The following ZFHX3 variants were observed in gnomAD, a reference collection of about 807,000 sequenced individuals.
ZFHX3 encodes zinc finger homeobox protein 3.
Under a neutral mutation model 279.1 loss-of-function variants are expected in ZFHX3, and 42 were observed. That is an observed-to-expected ratio of 0.15 (90% CI 0.12 to 0.19). ZFHX3 has a LOEUF of 0.19. ZFHX3 is among the 10% of genes least tolerant of loss of function. The probability of loss-of-function intolerance (pLI) is 1.00; values close to 1 mark genes in which losing one functional copy is unlikely to be tolerated. For synonymous variants in ZFHX3, 2,293 were observed against 1,957.8 expected (o/e 1.17, Z -4.52); for missense variants, 4,981 against 4,754.0 (o/e 1.05, Z -1.40).
At chr16:73,706,095 A>G (rs1296463331) in intron 1 of ZFHX3, among the ~76,000 whole-genome samples, 2 of 152,184 alleles carry the variant, frequency 1.3e-5, no homozygotes, top group Non-Finnish European at 2.9e-5. Flanking sequence ...GCTTGAGTCC[A>G]GGAGTTTGAG....
At chr16:73,464,941 C>T (rs935285954) in intron 2 of ZFHX3, among the ~76,000 whole-genome samples, 1 of 152,178 alleles carries the variant, frequency 6.6e-6, no homozygotes, top group Non-Finnish European at 1.5e-5. Flanking sequence ...GGTGACATCA[C>T]AGGGGCCCAC....
chr16:73,151,789 G>T (rs568150683), intron 5 of ZFHX3, among the ~76,000 whole-genome samples: 2 of 151,604 alleles, frequency 1.3e-5, no homozygotes, highest in African/African-American at 4.9e-5. Context: ...AAGAATTCAC[G>T]TGATAACACT....
intron 2 of ZFHX3, among the ~76,000 whole-genome samples, chr16:73,562,954 C>T (rs1676112027): frequency 6.6e-6 from 1 of 152,098 alleles, no homozygotes; most frequent in South Asian, 2.1e-4. Context: ...TCCTTGCCTC[C>T]CATAAGGGAA....
intron 5 of ZFHX3, chr16:73,144,510 G>A (rs1325832749): frequency 6.6e-6 from 1 of 152,210 alleles, no homozygotes; most frequent in Non-Finnish European, 1.5e-5. Flanking sequence ...GCTGTTTAGT[G>A]AGCTAATGTT....
At chr16:73,822,667 G>C (rs1185418121) in intron 1 of ZFHX3, among the ~76,000 whole-genome samples, 1 of 152,214 alleles carries the variant, frequency 6.6e-6, no homozygotes, top group Non-Finnish European at 1.5e-5. Flanking sequence ...GTGCCTGGCA[G>C]TTGTAACTGA....
chr16:73,601,972 A>G (rs1029164480), intron 2 of ZFHX3, among the ~76,000 whole-genome samples: 5 of 152,254 alleles, frequency 3.3e-5, no homozygotes, highest in African/African-American at 1.2e-4. Flanking sequence ...TTTGTTTCCA[A>G]TAAAGAAAAT....
intron 1 of ZFHX3, among the ~76,000 whole-genome samples, chr16:73,016,221 C>A (rs2144637240): frequency 6.6e-6 from 1 of 152,258 alleles, no homozygotes; most frequent in African/African-American, 2.4e-5. Flanking sequence ...TGCCACTTCC[C>A]CATTTTGTGT....
At chr16:73,804,997 AT>A (rs922184451) in intron 1 of ZFHX3, among the ~76,000 whole-genome samples, 1 of 151,418 alleles carries the variant, frequency 6.6e-6, no homozygotes, top group Admixed American at 6.6e-5. Flanking sequence ...TCATATATTT[AT>A]TATATGACTA....
chr16:73,588,414 C>T (rs975948247), intron 2 of ZFHX3, among the ~76,000 whole-genome samples: 7 of 151,618 alleles, frequency 4.6e-5, no homozygotes, highest in Admixed American at 6.6e-5. Flanking sequence ...AGGCCGGTCG[C>T]GGTGGCTCAC....
At chr16:73,561,584 C>T (rs926512773) in intron 2 of ZFHX3, among the ~76,000 whole-genome samples, 1 of 150,684 alleles carries the variant, frequency 6.6e-6, no homozygotes. Context: ...CCTAAACTTT[C>T]TCTTAACAAG....
chr16:73,053,737 G>C (rs1965492743), intron 1 of ZFHX3, among the ~76,000 whole-genome samples: 1 of 152,150 alleles, frequency 6.6e-6, no homozygotes, highest in Non-Finnish European at 1.5e-5. Flanking sequence ...GGCAGCTTAG[G>C]AGCACACTCC....
chr16:72,888,412 T>G (rs1348242344), intron 4 of ZFHX3, among the ~76,000 whole-genome samples: 1 of 151,984 alleles, frequency 6.6e-6, no homozygotes, highest in African/African-American at 2.4e-5. Flanking sequence ...GTGGGACCAA[T>G]GAGATGTCCA....
intron 2 of ZFHX3, among the ~76,000 whole-genome samples, chr16:73,553,123 C>T (rs537449134): frequency 6.6e-6 from 1 of 151,792 alleles, no homozygotes; most frequent in African/African-American, 2.4e-5. Context: ...CAAACATGGA[C>T]ATTTTACTCC....
chr16:73,744,770 T>C (rs1180898124), intron 1 of ZFHX3, among the ~76,000 whole-genome samples: 2 of 152,192 alleles, frequency 1.3e-5, no homozygotes, highest in African/African-American at 4.8e-5. Flanking sequence ...ATTCTGAATA[T>C]TACTATTTCT....
intron 3 of ZFHX3, among the ~76,000 whole-genome samples, chr16:72,909,636 G>A (rs1388608816): frequency 6.6e-6 from 1 of 152,110 alleles, no homozygotes. Context: ...CAGCACTTTG[G>A]GAGGCTGAGG....
At position 72,950,914 on chromosome 16, in the gene ZFHX3, G is replaced by A. The variant is rs1248110695; in HGVS notation, c.2771C>T (p.Ser924Leu). The A allele has an allele frequency of 6.2e-7, 1 of 1,613,982 alleles. No individual in the cohort carries two copies. The highest frequency in any genetic ancestry group is 8.5e-7 in the Non-Finnish European group (1 of 1,180,020). Residue 924 changes from serine (S) to leucine (L), a missense_variant, in exon 3 of 10, where the codon TCA becomes TTA. Ser to Leu is a moderately radical substitution (Grantham distance 145). Coordinates refer to ENST00000268489, the MANE Select transcript of ZFHX3 (RefSeq NM_006885.4). The part of the protein sequence containing the change: ...DMRLGGGQLV[S>L]EELMNLGESF... ...CTCGCCCAGGTTCATCAGCTCCTCT[G>A]ACACCAGCTGCCCGCCCCCGAGCCG...
intron 2 of ZFHX3, among the ~76,000 whole-genome samples, chr16:73,533,609 C>G (rs573025409): frequency 6.6e-6 from 1 of 152,108 alleles, no homozygotes; most frequent in Non-Finnish European, 1.5e-5. Flanking sequence ...CTTGAATATC[C>G]AATGGGCTAA....
intron 2 of ZFHX3, among the ~76,000 whole-genome samples, chr16:73,605,713 G>T (rs907170892): frequency 6.6e-6 from 1 of 152,002 alleles, no homozygotes; most frequent in Non-Finnish European, 1.5e-5. Context: ...TGGAGAGAAA[G>T]AATGATGTCG....
chr16:73,473,818 C>T (rs1158031557), intron 2 of ZFHX3, among the ~76,000 whole-genome samples: 1 of 152,174 alleles, frequency 6.6e-6, no homozygotes, highest in Non-Finnish European at 1.5e-5. Context: ...CTGTGTGGGT[C>T]AGGGAAGCAT....
Sources: allele counts gnomAD v4.1 joint callset (sites outside exome capture counted in the v4.1 genomes callset), GRCh38; gene constraint gnomAD v4.1.1; transcripts MANE v1.5; gene names NCBI Gene and HGNC (gene_info 2026-07-23, HGNC 2026-07-21).